Variants in ABCA13 observed in about 807,000 individuals in gnomAD.
ABCA13 encodes ATP binding cassette subfamily A member 13, also known as ATP-binding cassette sub-family A member 13.
A neutral mutation model predicts 478.7 loss-of-function variants in ABCA13; 476 were observed. That is an observed-to-expected ratio of 0.99 (90% confidence interval 0.92 to 1.07). ABCA13 has a LOEUF of 1.07. ABCA13 is among the 50% of genes least tolerant of loss of function. The pLI, the probability that ABCA13 is intolerant of heterozygous loss-of-function variation, is 0.00. For synonymous variants in ABCA13, 2,252 were observed against 2,158.9 expected (o/e 1.04, Z -1.20); for missense variants, 6,060 against 5,910.6 (o/e 1.03, Z -0.83).
At position 48,489,226 on chromosome 7, in the gene ABCA13, C is replaced by T. The variant is rs1563340806; in HGVS notation, c.13183-10C>T. 6.3e-7 allele frequency: 1 copy of T among 1,592,384 alleles called. No homozygotes were observed. The highest frequency in any genetic ancestry group is 8.6e-7 in the Non-Finnish European group (1 of 1,164,170). On this transcript the variant is annotated splice_polypyrimidine_tract_variant and intron_variant, in intron 47 of 61. Coordinates refer to ENST00000435803, the MANE Select transcript of ABCA13 (RefSeq NM_152701.5). ...TCGTGAGAGCCATTAAATTATCTTT[C>T]TTTTTTTAGGTGTGGTATAATCAGA...
At chr7:48,285,924 A>C (rs1797675980) in intron 19 of ABCA13, among the ~76,000 whole-genome samples, 1 of 152,352 alleles carries the variant, frequency 6.6e-6, no homozygotes, top group East Asian at 1.9e-4. Flanking sequence ...ATTAATGAGA[A>C]AAGAAAAACA....
At position 48,489,295 on chromosome 7, in the gene ABCA13, C is replaced by A. The variant is rs768429848; in HGVS notation, c.13242C>A (p.Asn4414Lys). The A allele has an allele frequency of 3.7e-6, 6 of 1,612,794 alleles. No homozygotes were observed. The South Asian group carries it at 4.4e-5, about 12-fold the overall frequency. ...CTTCCTACTTAAATCATCTAAACAA[C>A]CTTATTTTGTGGCAGCACCTACCCC... The part of the protein sequence containing the change: ...SLPSYLNHLN[N>K]LILWQHLPPT... Residue 4414 changes from asparagine (N) to lysine (K), a missense_variant, in exon 48 of 62, where the codon AAC becomes AAA. Asn to Lys is a moderately conservative substitution (Grantham distance 94, BLOSUM62 0). Transcript: ENST00000435803.
At chr7:48,262,605 G>A (rs1794346964) in intron 15 of ABCA13, among the ~76,000 whole-genome samples, 1 of 151,792 alleles carries the variant, frequency 6.6e-6, no homozygotes, top group African/African-American at 2.4e-5. Context: ...CTATGTGGTT[G>A]TATATTTTTA....
chr7:48,407,001 A>G (rs1818353466), intron 39 of ABCA13, among the ~76,000 whole-genome samples: 1 of 152,198 alleles, frequency 6.6e-6, no homozygotes, highest in Non-Finnish European at 1.5e-5. Context: ...AATGCCTGCA[A>G]ACTTAATTGA....
intron 54 of ABCA13, among the ~76,000 whole-genome samples, chr7:48,527,224 A>G (rs1015044753): frequency 2.6e-5 from 4 of 152,112 alleles, no homozygotes; most frequent in Non-Finnish European, 5.9e-5. Context: ...GGGGAGACGG[A>G]CTCATATTGC....
intron 15 of ABCA13, among the ~76,000 whole-genome samples, chr7:48,261,784 A>G (rs924649531): frequency 6.6e-6 from 1 of 151,100 alleles, no homozygotes; most frequent in South Asian, 2.1e-4. Context: ...CTTTTGTGTG[A>G]TCTGTCTTTT....
intron 55 of ABCA13, among the ~76,000 whole-genome samples, chr7:48,574,559 G>C (rs1181662328): frequency 6.6e-6 from 1 of 152,086 alleles, no homozygotes; most frequent in Non-Finnish European, 1.5e-5. Flanking sequence ...TCTCAAGCAT[G>C]AGACACCTAG....
At chr7:48,178,742 C>G (rs1315831305) in intron 1 of ABCA13, among the ~76,000 whole-genome samples, 2 of 150,802 alleles carry the variant, frequency 1.3e-5, no homozygotes, top group African/African-American at 4.9e-5. Context: ...GTGAGATTAT[C>G]CAGTCTTCTA....
intron 1 of ABCA13, among the ~76,000 whole-genome samples, chr7:48,180,101 A>G (rs1413329378): frequency 1.3e-5 from 2 of 151,626 alleles, no homozygotes; most frequent in Admixed American, 1.3e-4. Context: ...AGCACTCTGA[A>G]TTTATCTGAT....
rs1821638671 is a variant in ABCA13, at chr7:48,427,829, G to C, written c.12523G>C (p.Glu4175Gln). Residue 4175 changes from glutamate (E) to glutamine (Q), a missense_variant, in exon 42 of 62, where the codon GAG becomes CAG. Coordinates refer to ENST00000435803, the MANE Select transcript of ABCA13 (RefSeq NM_152701.5). ...KSHIALGTES[E>Q]LQNHRPTGHL... is the part of the protein sequence containing the mutation. ...TCACATTGCCCTGGGGACTGAGTCA[G>C]AGCTGCAGAACCACAGGCCTACAGG... 2 of 1,612,956 alleles carry C rather than the reference G, an allele frequency of 1.2e-6. No homozygotes were observed. The highest frequency in any genetic ancestry group is 1.3e-5 in the African/African-American group (1 of 74,824).
intron 20 of ABCA13, among the ~76,000 whole-genome samples, chr7:48,291,365 G>A (rs1000707458): frequency 6.6e-6 from 1 of 152,186 alleles, no homozygotes; most frequent in African/African-American, 2.4e-5. Flanking sequence ...CAATGCAGGG[G>A]TTCAGTTGCT....
Position 48,376,640 on chromosome 7 carries a change from A to G in ABCA13, c.11335+68A>G, listed in dbSNP as rs79592649. The G allele has an allele frequency of 2.1e-3, 3,162 of 1,476,196 alleles. 68 individuals carry two copies. In the African/African-American group the frequency reaches 0.04, roughly 19 times the overall value. 91.4% of individuals were successfully genotyped at this position (1,476,196 alleles called of 1,614,324 possible). A position where few individuals can be genotyped will look rare whatever the true frequency, so the allele number is the denominator to read the frequency against. On this transcript the variant is annotated intron_variant, in intron 35 of 61. Transcript: ENST00000435803. ...AAACAGTTTGAATTAATATGCATAA[A>G]TATTAGAATAATCACTTATTCTTTA...
intron 3 of ABCA13, among the ~76,000 whole-genome samples, chr7:48,215,811 A>T (rs1786374943): frequency 6.6e-6 from 1 of 152,172 alleles, no homozygotes. Context: ...TTCTGTCTCG[A>T]TAGATTTTAC....
chr7:48,297,781 T>C lies in ABCA13; in HGVS notation c.9199+470T>C, dbSNP rs572972108. On this transcript the variant is annotated intron_variant, in intron 22 of 61. Coordinates refer to ENST00000435803, the MANE Select transcript of ABCA13 (RefSeq NM_152701.5). ...CCTAAGAAGAAGCTCTTTCTTTCTT[T>C]CTTTCTTTTTTTTTTTTTGTGTCTC... is the stretch of plus-strand genomic sequence containing the variant. Among the ~76,000 whole-genome samples the C allele has an allele frequency of 5.8e-5, 8 of 137,374 alleles. No individual in the cohort carries two copies. The East Asian group carries it at 1.6e-3, about 28-fold the overall frequency. The allele number at this position is 137,374 out of a possible 152,430, so 90.1% of individuals were successfully genotyped here. A position where few individuals can be genotyped will look rare whatever the true frequency, so the allele number is the denominator to read the frequency against.
At chr7:48,481,298 C>T (rs1585524622) in intron 46 of ABCA13, 144 bp downstream of exon 46, 4 of 654,628 alleles carry the variant, frequency 6.1e-6, no homozygotes, top group Non-Finnish European at 8.1e-6. Flanking sequence ...TGATGTTCCC[C>T]TTCCTGTGTC....
intron 42 of ABCA13, among the ~76,000 whole-genome samples, chr7:48,443,779 C>T (rs1480663774): frequency 6.6e-6 from 1 of 152,120 alleles, no homozygotes. Context: ...TCCTCCCACT[C>T]CCATTGGAGG....
intron 27 of ABCA13, among the ~76,000 whole-genome samples, chr7:48,322,710 G>A (rs762425940): frequency 2.6e-5 from 4 of 152,198 alleles, no homozygotes; most frequent in Non-Finnish European, 5.9e-5. Context: ...AACAGGCACT[G>A]TGTGTTTTTG....
chr7:48,492,146 C>T (rs548426831), intron 48 of ABCA13, among the ~76,000 whole-genome samples: 1 of 152,276 alleles, frequency 6.6e-6, no homozygotes, highest in South Asian at 2.1e-4. Context: ...CTCTAGGAGA[C>T]AGCTAGCTGC....
At chr7:48,420,111 C>A (rs1820549940) in intron 41 of ABCA13, among the ~76,000 whole-genome samples, 1 of 152,176 alleles carries the variant, frequency 6.6e-6, no homozygotes. Context: ...TTTTCTCTTC[C>A]TTCATCTGCA....
Sources: allele counts gnomAD v4.1 joint callset (sites outside exome capture counted in the v4.1 genomes callset), GRCh38; gene constraint gnomAD v4.1.1; transcripts MANE v1.5; gene names NCBI Gene and HGNC (gene_info 2026-07-23, HGNC 2026-07-21).